The following FLI1 variants were observed in gnomAD, a reference collection of about 807,000 sequenced individuals.
FLI1 encodes Fli-1 proto-oncogene, ETS transcription factor.
A neutral mutation model predicts 53.1 loss-of-function variants in FLI1; 13 were observed. The ratio of observed to expected loss-of-function variants is 0.24; its 90% CI spans 0.16 to 0.39. The LOEUF (loss-of-function observed/expected upper bound fraction) is 0.39. Ranked by LOEUF, FLI1 falls within the 10% of genes least tolerant of loss-of-function variation. FLI1 has a pLI of 1.00. For missense variants in FLI1, 424 were observed against 600.5 expected, an observed-to-expected ratio of 0.71 and a Z score of 3.07; for synonymous variants, 244 against 236.7, an observed-to-expected ratio of 1.03 and a Z score of -0.28.
At chr11:128,768,324 G>A (rs747391886) in intron 3 of FLI1, 52 bp downstream of exon 3, 28 of 1,604,958 alleles carry the variant, frequency 1.7e-5, no homozygotes, top group Admixed American at 8.3e-5. Context: ...CACTCTCTGG[G>A]GGGGCAGGGA....
At chr11:128,746,085 C>G (rs1940376213) in intron 1 of FLI1, among the ~76,000 whole-genome samples, 3 of 152,164 alleles carry the variant, frequency 2.0e-5, no homozygotes, top group Admixed American at 1.3e-4. Context: ...ATCAAAATTA[C>G]TCAAAGCGCA....
At chr11:128,700,738 G>A (rs1938293268) in intron 1 of FLI1, among the ~76,000 whole-genome samples, 1 of 152,152 alleles carries the variant, frequency 6.6e-6, no homozygotes, top group Non-Finnish European at 1.5e-5. Flanking sequence ...GCCGGGCATG[G>A]TGGCACTCAC....
intron 2 of FLI1, among the ~76,000 whole-genome samples, chr11:128,759,762 A>C (rs941160390): frequency 6.6e-6 from 1 of 152,214 alleles, no homozygotes; most frequent in Non-Finnish European, 1.5e-5. Flanking sequence ...CATCCAGATA[A>C]AAACGTCTAC....
chr11:128,693,237 G>A (rs1364468292), upstream of FLI1: 2 of 152,390 alleles, frequency 1.3e-5, no homozygotes, highest in East Asian at 1.9e-4. Context: ...GCCCAGGGTC[G>A]AGGCGCGCCG....
intron 1 of FLI1, among the ~76,000 whole-genome samples, chr11:128,725,714 G>A (rs1939447792): frequency 6.6e-6 from 1 of 151,700 alleles, no homozygotes; most frequent in African/African-American, 2.4e-5. Context: ...CCTCAGGGCT[G>A]GTGGTTTCAA....
intron 2 of FLI1, among the ~76,000 whole-genome samples, chr11:128,762,846 C>T (rs1399532494): frequency 6.6e-6 from 1 of 152,102 alleles, no homozygotes; most frequent in African/African-American, 2.4e-5. Context: ...ATCCCACCTA[C>T]TCAGGAGGCT....
rs535020641 is a variant in FLI1 at position 128,790,102 on chromosome 11, G to A, written c.655+8079G>A. 9.8e-4 allele frequency among the ~76,000 whole-genome samples: 145 copies of A among 147,858 alleles called. 2 individuals carry two copies. Among genetic ancestry groups the A allele is most frequent in the African/African-American group, 3.6e-3 (138 of 37,824 alleles). On this transcript the variant is annotated intron_variant, in intron 5 of 8. Coordinates refer to ENST00000527786, the MANE Select transcript of FLI1 (RefSeq NM_002017.5). ...TGTGTGTGTGTGTGTGTGTGCACGC[G>A]TGCTGTTTCTGTGGTCCAAAGGCAA... is the stretch of plus-strand genomic sequence containing the variant.
chr11:128,740,630 G>A (rs1940095168), intron 1 of FLI1, among the ~76,000 whole-genome samples: 1 of 152,202 alleles, frequency 6.6e-6, no homozygotes, highest in Non-Finnish European at 1.5e-5. Context: ...GGGAGGGAGG[G>A]AGAAGCCCCG....
At chr11:128,795,621 G>A (rs559072947) in intron 5 of FLI1, among the ~76,000 whole-genome samples, 2 of 145,972 alleles carry the variant, frequency 1.4e-5, no homozygotes, top group East Asian at 4.0e-4. Context: ...GTTCAGTGAC[G>A]CTCACTGCAA....
intron 6 of FLI1, chr11:128,806,469 G>A (rs563278931): frequency 2.0e-5 from 3 of 152,362 alleles, no homozygotes; most frequent in East Asian, 1.9e-4. Flanking sequence ...AGCTTAGGAT[G>A]TGTGATGCAG....
At chr11:128,729,485 C>T (rs1343814406) in intron 1 of FLI1, among the ~76,000 whole-genome samples, 1 of 152,138 alleles carries the variant, frequency 6.6e-6, no homozygotes. Flanking sequence ...GTTGGCGATG[C>T]TTTGCATTTA....
intron 1 of FLI1, among the ~76,000 whole-genome samples, chr11:128,757,098 TTCTTTCTTTCTTTCTC>T (rs1940919024): frequency 7.7e-6 from 1 of 130,266 alleles, no homozygotes; most frequent in Non-Finnish European, 1.6e-5. Flanking sequence ...CTTTCTTTCT[TTCTTTCTTTCTTTCTC>T]TCTTTCTGTT....
intron 4 of FLI1, among the ~76,000 whole-genome samples, chr11:128,780,618 C>A (rs527622774): frequency 2.6e-5 from 4 of 152,308 alleles, no homozygotes; most frequent in South Asian, 2.1e-4. Context: ...TAAATAAATT[C>A]TCTTCCTCAT....
Position 128,750,207 on chromosome 11 carries a change from C to G in FLI1, c.19-7908C>G, listed in dbSNP as rs1189610953. ...GGAGTGGGCCCACTGAGCAGGGCAG[C>G]CACAGGGAACTTGGTCTGGTTGCTT... On this transcript the variant is annotated intron_variant, in intron 1 of 8. Coordinates refer to ENST00000527786, the MANE Select transcript of FLI1 (RefSeq NM_002017.5). 2.0e-5 allele frequency among the ~76,000 whole-genome samples: 3 copies of G among 152,296 alleles called. No homozygotes were observed. In the East Asian group the frequency reaches 5.8e-4, roughly 29 times the overall value.
At chr11:128,755,172 G>T (rs1940812684) in intron 1 of FLI1, among the ~76,000 whole-genome samples, 1 of 152,148 alleles carries the variant, frequency 6.6e-6, no homozygotes, top group Admixed American at 6.5e-5. Context: ...TTAGGATAAT[G>T]ATGGGAGGAA....
chr11:128,760,521 T>TC, intron 2 of FLI1, among the ~76,000 whole-genome samples: 1 of 46,338 alleles, frequency 2.2e-5, no homozygotes, highest in Admixed American at 1.6e-4. Flanking sequence ...TGGAGATTCC[T>TC]TTTTTTTTTT....
intron 4 of FLI1, among the ~76,000 whole-genome samples, chr11:128,781,471 A>T (rs1017892142): frequency 2.0e-5 from 3 of 152,254 alleles, no homozygotes; most frequent in Non-Finnish European, 2.9e-5. Flanking sequence ...TAGTTAGCCT[A>T]TGAAGCCAAA....
At chr11:128,743,679 A>C (rs1940242201) in intron 1 of FLI1, among the ~76,000 whole-genome samples, 1 of 152,182 alleles carries the variant, frequency 6.6e-6, no homozygotes, top group Admixed American at 6.5e-5. Context: ...GAAGCTTCCA[A>C]GAATAGAACA....
chr11:128,765,150 C>A (rs1448989933), intron 2 of FLI1, among the ~76,000 whole-genome samples: 1 of 152,214 alleles, frequency 6.6e-6, no homozygotes, highest in Non-Finnish European at 1.5e-5. Flanking sequence ...GCGGCCACCC[C>A]AGCAAGAGAG....
Sources: allele counts gnomAD v4.1 joint callset (sites outside exome capture counted in the v4.1 genomes callset), GRCh38; gene constraint gnomAD v4.1.1; transcripts MANE v1.5; gene names NCBI Gene and HGNC (gene_info 2026-07-23, HGNC 2026-07-21).